Variants in NDUFA10 observed in about 807,000 individuals in gnomAD.
NDUFA10 encodes the protein NADH dehydrogenase [ubiquinone] 1 alpha subcomplex subunit 10, mitochondrial.
Under a neutral mutation model 47.8 loss-of-function variants are expected in NDUFA10, and 40 were observed. The ratio of observed to expected loss-of-function variants is 0.84; its 90% CI spans 0.65 to 1.09. The LOEUF is 1.09. Among genes scored for constraint, NDUFA10 ranks in the 50% least tolerant of loss-of-function variants. The pLI is 0.00. For missense variants in NDUFA10, 413 were observed against 451.1 expected, an observed-to-expected ratio of 0.92 and a Z score of 0.76; for synonymous variants, 183 against 172.2, an observed-to-expected ratio of 1.06 and a Z score of -0.49.
chr2:239,992,604 G>A (rs558227892), intron 8 of NDUFA10, among the ~76,000 whole-genome samples: 1 of 152,310 alleles, frequency 6.6e-6, no homozygotes, highest in East Asian at 1.9e-4. Context: ...TAAGCAAAAA[G>A]AAGGTGGGTG....
chr2:239,898,951 AGGGG>A (rs1693457910), intron 4 of NDUFA10, among the ~76,000 whole-genome samples: 1 of 123,818 alleles, frequency 8.1e-6, no homozygotes, highest in Non-Finnish European at 1.7e-5. Flanking sequence ...AGGGGTGTGG[AGGGG>A]TGTGGCAGGG....
chr2:240,006,676 A>G (rs2106473706), intron 7 of NDUFA10, among the ~76,000 whole-genome samples: 2 of 152,338 alleles, frequency 1.3e-5, no homozygotes, highest in Middle Eastern at 3.4e-3. Flanking sequence ...TTTAGGAAAC[A>G]ATTTTCCTCT....
chr2:239,931,884 G>A (rs1174747829), intron 4 of NDUFA10, among the ~76,000 whole-genome samples: 1 of 130,784 alleles, frequency 7.6e-6, no homozygotes, highest in East Asian at 2.2e-4. Flanking sequence ...GGCCCAGGCT[G>A]GAGTGCAGTG....
At position 239,945,418 on chromosome 2, in the gene NDUFA10, G is replaced by A. The variant is rs75237486; in HGVS notation, c.294+44656C>T. On this transcript the variant is annotated intron_variant, in intron 4 of 5. Transcript: ENST00000419408. This position sits in a 1 kb window ranked among gnomAD's most constrained non-coding sequence, Gnocchi z 4.6. ...ACCAAGCTCCTCACCTCTGAGCGTC[G>A]CTCCAGCTCCTTTCAAAGACGCTGG... 0.04 allele frequency among the ~76,000 whole-genome samples: 6,026 copies of A among 152,236 alleles called. 420 individuals are homozygous for A. The highest frequency in any genetic ancestry group is 0.14 in the African/African-American group (5,719 of 41,528).
At chr2:239,946,650 A>T (rs1396080856) in intron 4 of NDUFA10, among the ~76,000 whole-genome samples, 2 of 152,224 alleles carry the variant, frequency 1.3e-5, no homozygotes, top group Non-Finnish European at 2.9e-5. Flanking sequence ...CTTTGAGTTC[A>T]ACGGCTCCTG....
chr2:239,983,710 T>C lies in NDUFA10; in HGVS notation c.999+6364A>G, dbSNP rs749131401. ...TTCCTCCCCAAAACACACAGTCCAA[T>C]CTAATCGCTAGAGAAACATCGGGCA... On this transcript the variant is annotated intron_variant, in intron 9 of 9. Coordinates refer to ENST00000252711, the MANE Select transcript of NDUFA10 (RefSeq NM_004544.4). 25 of 1,567,902 alleles carry C rather than the reference T, an allele frequency of 1.6e-5. No individual in the cohort carries two copies. The East Asian group carries it at 3.3e-4, about 21-fold the overall frequency.
At chr2:240,018,299 C>A (rs1697450248) in intron 4 of NDUFA10, 2 of 1,044,570 alleles carry the variant, frequency 1.9e-6, no homozygotes, top group Non-Finnish European at 2.8e-6. Flanking sequence ...CTTTAAGCTG[C>A]GTGTGTTTGA....
At chr2:239,978,684 C>T (rs763457649) in intron 9 of NDUFA10, among the ~76,000 whole-genome samples, 3 of 152,192 alleles carry the variant, frequency 2.0e-5, no homozygotes, top group Non-Finnish European at 2.9e-5. Flanking sequence ...CTTGTCATTG[C>T]AATTGCAAAA....
intron 4 of NDUFA10, among the ~76,000 whole-genome samples, chr2:239,927,918 A>G (rs1267670902): frequency 6.6e-6 from 1 of 152,222 alleles, no homozygotes; most frequent in African/African-American, 2.4e-5. Flanking sequence ...TGGTACCCCA[A>G]TACGGTGGCT....
intron 4 of NDUFA10, among the ~76,000 whole-genome samples, chr2:239,915,925 C>CAT (rs1338992850): frequency 7.2e-6 from 1 of 139,282 alleles, no homozygotes; most frequent in African/African-American, 2.9e-5. Flanking sequence ...AGCACACACA[C>CAT]ATACACAGAC....
chr2:239,899,006 G>A (rs561094641), intron 4 of NDUFA10, among the ~76,000 whole-genome samples: 4 of 113,412 alleles, frequency 3.5e-5, no homozygotes, highest in East Asian at 4.7e-4. Context: ...ATGGAGAGGT[G>A]TGATGGAGGG....
intron 4 of NDUFA10, chr2:240,017,976 G>C: frequency 7.6e-7 from 1 of 1,312,852 alleles, no homozygotes; most frequent in South Asian, 1.3e-5. Context: ...CACAGTCCTA[G>C]TCACAGACAC....
At position 239,928,931 on chromosome 2, in the gene NDUFA10, G is replaced by A. The variant is rs1227630440; in HGVS notation, c.295-33617C>T. Among the ~76,000 whole-genome samples the A allele has an allele frequency of 6.6e-6, 1 of 151,818 alleles. No homozygotes were observed. The highest frequency in any genetic ancestry group is 1.5e-5 in the Non-Finnish European group (1 of 68,006). On this transcript the variant is annotated intron_variant, in intron 4 of 5. Coordinates refer to the NDUFA10 transcript ENST00000419408. The surrounding 1 kb of genome is among the most constrained non-coding windows in gnomAD (Gnocchi z 4.3). ...GTCTCCCATCGCCCCGCGGCCACCC[G>A]GATCCCACTCCCGAGGTCAGGAGCC...
rs552542292 is a variant in NDUFA10 at position 239,905,642 on chromosome 2, G to A, written c.295-10328C>T. ...ATTTCCTTGCTCTTCCCCTTGGTTC[G>A]CGTGGTCCCATCTGTTAACAGACCT... is the stretch of plus-strand genomic sequence containing the variant. On this transcript the variant is annotated intron_variant, in intron 4 of 5. Coordinates refer to the NDUFA10 transcript ENST00000419408. Among the ~76,000 whole-genome samples, 27 of 146,798 alleles carry A rather than the reference G, an allele frequency of 1.8e-4. 1 individual carries two copies. The South Asian group carries it at 5.6e-3, about 31-fold the overall frequency.
intron 9 of NDUFA10, among the ~76,000 whole-genome samples, chr2:239,985,513 A>T (rs1695963278): frequency 6.6e-6 from 1 of 152,126 alleles, no homozygotes; most frequent in Admixed American, 6.5e-5. Context: ...AAAGGAGCAG[A>T]CACACGAAGA....
intron 4 of NDUFA10, among the ~76,000 whole-genome samples, chr2:239,927,541 G>A (rs897108357): frequency 7.2e-5 from 11 of 152,264 alleles, no homozygotes; most frequent in African/African-American, 1.2e-4. Context: ...ATGTATCCCC[G>A]TCATTACACA....
At chr2:239,915,117 AACAC>A (rs879702805) in intron 4 of NDUFA10, among the ~76,000 whole-genome samples, 15,998 of 127,714 alleles carry the variant, frequency 0.13, 1,416 homozygotes, top group African/African-American at 0.18. Context: ...ACACACACAG[AACAC>A]ACACATACAC....
chr2:240,007,462 C>G (rs1408631823), intron 6 of NDUFA10, 92 bp from the exon 7 acceptor site: 1 of 914,802 alleles, frequency 1.1e-6, no homozygotes, highest in African/African-American at 1.6e-5. Flanking sequence ...GTCTCCTGCT[C>G]AAATTTAAAA....
At chr2:239,907,584 G>A (rs7355266) in intron 4 of NDUFA10, among the ~76,000 whole-genome samples, 25,672 of 152,120 alleles carry the variant, frequency 0.17, 2,210 homozygotes, top group South Asian at 0.2. Flanking sequence ...AAAAGTGGGC[G>A]AAGGATATAA....
Sources: gnomAD v4.1 joint callset for allele counts (sites outside exome capture counted in the v4.1 genomes callset) on GRCh38, gnomAD v4.1.1 for gene constraint, Gnocchi (gnomAD v3.1) non-coding constraint, MANE v1.5 for transcripts, NCBI Gene and HGNC (gene_info 2026-07-23, HGNC 2026-07-21) for gene names.